MAGIX: variants seen among roughly 807,000 people sequenced by gnomAD.
MAGIX encodes the protein MAGI family member, X-linked, also known as PDZ domain-containing protein MAGIX.
Under a neutral mutation model 10.0 loss-of-function variants are expected in MAGIX, and 13 were observed. That is an observed-to-expected ratio of 1.30 (90% CI 0.84 to 2.06). The LOEUF (loss-of-function observed/expected upper bound fraction) is 2.06, where lower values mean the gene tolerates loss of function less well. Ranked by LOEUF, MAGIX falls within the 30% of genes most tolerant of loss-of-function variation. The pLI is 0.00. For synonymous variants in MAGIX, 108 were observed against 106.8 expected (o/e 1.01, Z -0.07); for missense variants, 235 against 245.2 (o/e 0.96, Z 0.28).
chrX:49,166,363 C>G, exon 5 of MAGIX: 1 of 1,151,528 alleles, frequency 8.7e-7, no homozygotes, highest in Non-Finnish European at 1.2e-6. Flanking sequence ...CAGCGCAGCT[C>G]GCTCAGGAGA....
exon 2 of MAGIX, chrX:49,163,885 T>G: frequency 9.7e-7 from 1 of 1,032,979 alleles, no homozygotes. Context: ...GTGGCAGCGC[T>G]GGTACGCAGG....
intron 2 of MAGIX, chrX:49,164,178 G>T (rs142931164): frequency 0.015 from 4,255 of 277,924 alleles, 188 homozygotes; most frequent in African/African-American, 0.11. Context: ...CCCCGTTCTG[G>T]CGGCGGTCCT....
intron 2 of MAGIX, chrX:49,164,322 G>C (rs2065351149): frequency 3.2e-6 from 1 of 309,019 alleles, no homozygotes; most frequent in Non-Finnish European, 5.7e-6. Context: ...AATGGGATGA[G>C]GGTTAGAGGC....
In MAGIX at chrX:49,164,787, C is replaced by T. The variant is rs2065354079; in HGVS notation, c.27C>T (p.Pro9=). The change falls in exon 3 of 5, where the codon CCC becomes CCT. Residue 9 remains proline, a synonymous_variant. Coordinates refer to ENST00000616266, the Ensembl canonical transcript of MAGIX. The stretch of plus-strand genomic sequence containing the variant: ...TGCCACTATTGTGGATCACCGGCCC[C>T]AGGTACCATCTCATCCTTCTATCGG... 8.3e-7 allele frequency: 1 copy of T among 1,210,192 alleles called. No individual in the cohort carries two copies. The highest frequency in any genetic ancestry group is 1.7e-5 in the African/African-American group (1 of 57,403).
chrX:49,165,757 A>T (rs782661990), intron 4 of MAGIX: 9 of 328,025 alleles, frequency 2.7e-5, no homozygotes, highest in Non-Finnish European at 4.2e-5. Context: ...TGAAAAACAA[A>T]GGGTCGGTGG....
chrX:49,165,143 G>A (rs1447522920), intron 3 of MAGIX, 47 bp from the exon 5 acceptor site: 1 of 1,202,044 alleles, frequency 8.3e-7, no homozygotes, highest in Non-Finnish European at 1.1e-6. Context: ...CTTTGTTGGG[G>A]TGCTCTCCTT....
exon 5 of MAGIX, chrX:49,166,297 G>C: frequency 8.5e-7 from 1 of 1,182,101 alleles, no homozygotes. Context: ...GTTCCCCGGG[G>C]CCCTGGCTAG....
At chrX:49,162,931 C>A in intron 1 of MAGIX, 1 of 741,386 alleles carries the variant, frequency 1.3e-6, no homozygotes, top group Non-Finnish European at 1.9e-6. Context: ...CTAGGGGGAG[C>A]AGAGGAGGTA....
At chrX:49,166,198 C>T in exon 5 of MAGIX, 2 of 1,211,093 alleles carry the variant, frequency 1.7e-6, no homozygotes, top group Non-Finnish European at 2.2e-6. Context: ...CCCGGGGCAG[C>T]CCGGAGCCTA....
exon 3 of MAGIX, chrX:49,164,714 C>T (rs12843494): frequency 0.1 from 120,730 of 1,207,204 alleles, 4,378 homozygotes; most frequent in South Asian, 0.23. Context: ...CAGCTGTTAG[C>T]GTGCTGGACT....
chrX:49,164,205 C>G, intron 2 of MAGIX: 1 of 275,360 alleles, frequency 3.6e-6, no homozygotes, highest in South Asian at 1.2e-4. Context: ...GGAGGCAGGG[C>G]CTGGAGAGTG....
At chrX:49,163,876 T>A (rs2065346833) in exon 2 of MAGIX, 1 of 1,035,859 alleles carries the variant, frequency 9.7e-7, no homozygotes, top group Non-Finnish European at 1.2e-6. Context: ...GCGGTCGACG[T>A]GGCAGCGCTG....
intron 2 of MAGIX, 118 bp downstream of exon 2, chrX:49,164,047 G>A: frequency 4.1e-6 from 3 of 724,201 alleles, no homozygotes; most frequent in Non-Finnish European, 5.5e-6. Context: ...CAAGGGGCGC[G>A]ACTTGGGGCG....
chrX:49,163,921 G>T (rs1278863939), exon 2 of MAGIX: 6 of 1,015,963 alleles, frequency 5.9e-6, no homozygotes. Context: ...CGCCTGCGCC[G>T]GAAGGAGGGT....
chrX:49,163,995 G>A, intron 2 of MAGIX, 66 bp downstream of exon 2: 1 of 953,453 alleles, frequency 1.0e-6, no homozygotes, highest in Non-Finnish European at 1.3e-6. Context: ...CAGTGGGACA[G>A]GCCTGGGGGG....
intron 1 of MAGIX, 43 bp from the exon 2 acceptor site, chrX:49,163,740 C>T: frequency 1.0e-6 from 1 of 998,142 alleles, no homozygotes; most frequent in East Asian, 4.3e-5. Flanking sequence ...AGGGGTTGGC[C>T]GAGGCCGAGG....
At chrX:49,164,241 G>A (rs1461770685) in intron 2 of MAGIX, 8 of 257,043 alleles carry the variant, frequency 3.1e-5, no homozygotes, top group Non-Finnish European at 5.5e-5. Context: ...CGCAGCGAAG[G>A]GGCAGGCCTG....
chrX:49,162,799 T>C, intron 1 of MAGIX: 1 of 524,452 alleles, frequency 1.9e-6, no homozygotes, highest in Admixed American at 5.1e-5. Context: ...AGCTTCAGCC[T>C]CCAGGGCCTG....
At chrX:49,162,777 A>C in intron 1 of MAGIX, 2 of 418,183 alleles carry the variant, frequency 4.8e-6, no homozygotes, top group Non-Finnish European at 7.8e-6. Flanking sequence ...GGAGCCAGGC[A>C]CGGGACCCGC....
Sources: allele counts gnomAD v4.1 joint callset, GRCh38; gene constraint gnomAD v4.1.1; transcripts MANE v1.5; gene names NCBI Gene and HGNC (gene_info 2026-07-23, HGNC 2026-07-21).